FCER1A: variants seen among roughly 807,000 people sequenced by gnomAD.
The protein encoded by FCER1A is high affinity immunoglobulin epsilon receptor subunit alpha.
A neutral mutation model predicts 23.6 loss-of-function variants in FCER1A; 24 were observed. That is an observed-to-expected ratio of 1.02 (90% CI 0.74 to 1.43). FCER1A has a LOEUF of 1.43. Ranked by LOEUF, FCER1A falls within the 40% of genes most tolerant of loss-of-function variation. The pLI is 0.00. For missense variants in FCER1A, 318 were observed against 294.5 expected, an observed-to-expected ratio of 1.08 and a Z score of -0.58; for synonymous variants, 121 against 108.8, an observed-to-expected ratio of 1.11 and a Z score of -0.70.
At chr1:159,293,235 C>T (rs1243334471) in intron 1 of FCER1A, among the ~76,000 whole-genome samples, 2 of 150,832 alleles carry the variant, frequency 1.3e-5, no homozygotes, top group African/African-American at 4.9e-5. Context: ...AGTCCGGTGG[C>T]TCTTTCTTAG....
At chr1:159,288,355 C>T (rs188731078), upstream of FCER1A, among the ~76,000 whole-genome samples, 93 of 152,278 alleles carry the variant, frequency 6.1e-4, 2 homozygotes, top group African/African-American at 2.2e-3. Flanking sequence ...CCAAATTCAT[C>T]GGACTATTCT....
upstream of FCER1A, among the ~76,000 whole-genome samples, chr1:159,287,962 A>G (rs1234833917): frequency 2.0e-5 from 3 of 152,050 alleles, no homozygotes; most frequent in African/African-American, 7.2e-5. Flanking sequence ...GATAAAGAGC[A>G]GTGAACTAAA....
In FCER1A at chr1:159,308,028, C is replaced by T. The variant is rs868534170; in HGVS notation, c.*96C>T. The stretch of plus-strand genomic sequence containing the variant: ...ACACAGCTTGCAATATACATAGAAA[C>T]GTCTGTGCTCAAGGATTTATAGAAA... On this transcript the variant is annotated 3_prime_UTR_variant, in exon 5 of 5. Coordinates refer to ENST00000693622, the MANE Select transcript of FCER1A (RefSeq NM_001387280.1). 16 of 827,282 alleles carry T rather than the reference C, an allele frequency of 1.9e-5. No individual in the cohort carries two copies. Among genetic ancestry groups the T allele is most frequent in the African/African-American group, 5.1e-5 (3 of 58,550 alleles). 51.2% of individuals were successfully genotyped at this position (827,282 alleles called of 1,614,324 possible). A position where few individuals can be genotyped will look rare whatever the true frequency, so the allele number is the denominator to read the frequency against.
intron 4 of FCER1A, among the ~76,000 whole-genome samples, chr1:159,307,264 C>T (rs951395442): frequency 9.2e-5 from 14 of 152,092 alleles, no homozygotes; most frequent in African/African-American, 2.7e-4. Context: ...TCACAAAAAT[C>T]GGTACAGTTT....
At chr1:159,289,186 C>T (rs892169130), upstream of FCER1A, among the ~76,000 whole-genome samples, 1 of 152,146 alleles carries the variant, frequency 6.6e-6, no homozygotes, top group African/African-American at 2.4e-5. Context: ...TCTTTCTTTT[C>T]TGCCAGCTCA....
chr1:159,307,883 G>C lies in FCER1A; in HGVS notation c.725G>C (p.Gly242Ala), dbSNP rs201635034. The change falls in exon 5 of 5, where the codon GGC becomes GCC. Residue 242 changes from glycine (G) to alanine (A), a missense_variant. By Grantham distance (60) the Gly-to-Ala change is moderately conservative. Transcript: ENST00000693622. ...FLLKIKRTRK[G>A]FRLLNPHPKP... The stretch of plus-strand genomic sequence containing the variant: ...TTGAAGATTAAGAGAACCAGGAAAG[G>C]CTTCAGACTTCTGAACCCACATCCT... 1.3e-4 allele frequency: 217 copies of C among 1,613,014 alleles called. No individual in the cohort carries two copies. Among genetic ancestry groups the C allele is most frequent in the Non-Finnish European group, 2.9e-5 (34 of 1,179,342 alleles).
At chr1:159,302,919 G>T (rs767709769) in intron 2 of FCER1A, 45 bp downstream of exon 2, 2 of 1,576,822 alleles carry the variant, frequency 1.3e-6, no homozygotes, top group South Asian at 2.2e-5. Context: ...ACATGTCTGG[G>T]CATTGCTTTC....
Position 159,304,173 on chromosome 1 carries a change from G to A in FCER1A, c.322G>A (p.Val108Ile), listed in dbSNP as rs1652528536. ...VNESEPVYLE[V>I]FSDWLLLQAS... ...TGAGAGTGAACCTGTGTACCTGGAA[G>A]TCTTCAGTGGTAAGTTCCAGGGATA... is the stretch of plus-strand genomic sequence containing the variant. Residue 108 changes from valine to isoleucine, a missense_variant, in exon 3 of 5, where the codon GTC becomes ATC. Val to Ile is a conservative substitution (Grantham distance 29, BLOSUM62 3). Transcript: ENST00000693622. 1 of 1,613,500 alleles carries A rather than the reference G, an allele frequency of 6.2e-7. No individual in the cohort carries two copies. The highest frequency in any genetic ancestry group is 1.3e-5 in the African/African-American group (1 of 74,914).
chr1:159,295,971 T>C (rs1156497680), intron 1 of FCER1A, among the ~76,000 whole-genome samples: 1 of 152,184 alleles, frequency 6.6e-6, no homozygotes, highest in African/African-American at 2.4e-5. Context: ...ATTATATTTC[T>C]AGTTTGTCTA....
intron 1 of FCER1A, among the ~76,000 whole-genome samples, chr1:159,294,903 A>T (rs1652254843): frequency 6.6e-6 from 1 of 152,180 alleles, no homozygotes; most frequent in Admixed American, 6.6e-5. Flanking sequence ...TAGTTTGCTC[A>T]TTCTGAAAAA....
At chr1:159,293,975 C>T (rs12145068) in intron 1 of FCER1A, among the ~76,000 whole-genome samples, 5,482 of 151,924 alleles carry the variant, frequency 0.036, 109 homozygotes, top group Middle Eastern at 0.092. Flanking sequence ...AAAATGCTCA[C>T]CATCACTGGC....
At chr1:159,303,822 A>T in intron 2 of FCER1A, 106 bp from the exon 3 acceptor site, 1 of 827,216 alleles carries the variant, frequency 1.2e-6, no homozygotes, top group Admixed American at 2.5e-5. Flanking sequence ...GGACAGGTTG[A>T]CCACTGATTG....
At chr1:159,299,012 A>C (rs1652363639), upstream of FCER1A, among the ~76,000 whole-genome samples, 1 of 152,228 alleles carries the variant, frequency 6.6e-6, no homozygotes, top group Non-Finnish European at 1.5e-5. Flanking sequence ...ATGTGCTCTT[A>C]AGACATATTG....
chr1:159,306,747 GAT>G (rs1652628763), intron 4 of FCER1A, among the ~76,000 whole-genome samples: 1 of 152,146 alleles, frequency 6.6e-6, no homozygotes, highest in Non-Finnish European at 1.5e-5. Context: ...GAATGGACTT[GAT>G]ATGGAGAGGG....
chr1:159,290,500 G>A (rs1652121631), intron 1 of FCER1A, among the ~76,000 whole-genome samples: 1 of 152,080 alleles, frequency 6.6e-6, no homozygotes, highest in Admixed American at 6.6e-5. Flanking sequence ...CTTATTGGAG[G>A]GAATAATTAA....
upstream of FCER1A, among the ~76,000 whole-genome samples, chr1:159,300,049 G>A (rs532443123): frequency 6.6e-6 from 1 of 152,202 alleles, no homozygotes; most frequent in East Asian, 1.9e-4. Context: ...TTATTGGACT[G>A]CTACATTTTT....
chr1:159,304,091 T>A lies in FCER1A; in HGVS notation c.240T>A (p.Ile80=), dbSNP rs772681858. 6.2e-7 allele frequency: 1 copy of A among 1,614,074 alleles called. No homozygotes were observed. Among genetic ancestry groups the A allele is most frequent in the Non-Finnish European group, 8.5e-7 (1 of 1,179,910 alleles). ...LSEETNSSLN[I]VNAKFEDSGE... ...AAGAGACAAATTCAAGTTTGAATAT[T>A]GTGAATGCCAAATTTGAAGACAGTG... Residue 80 remains isoleucine, a synonymous_variant, in exon 3 of 5, where the codon ATT becomes ATA. Transcript: ENST00000693622.
chr1:159,302,320 C>T, upstream of FCER1A: 1 of 1,407,054 alleles, frequency 7.1e-7, no homozygotes, highest in Non-Finnish European at 1.0e-6. Context: ...TATTTGAAGC[C>T]TTAGATCTCT....
At chr1:159,304,416 T>G (rs1439675486) in intron 3 of FCER1A, among the ~76,000 whole-genome samples, 1 of 151,924 alleles carries the variant, frequency 6.6e-6, no homozygotes, top group African/African-American at 2.4e-5. Flanking sequence ...CCGGCTAACA[T>G]GGTGAAACCC....
Sources: allele counts gnomAD v4.1 joint callset (sites outside exome capture counted in the v4.1 genomes callset), GRCh38; gene constraint gnomAD v4.1.1; transcripts MANE v1.5; gene names NCBI Gene and HGNC (gene_info 2026-07-23, HGNC 2026-07-21).